INPP4B: variants seen among roughly 807,000 people sequenced by gnomAD.
The protein encoded by INPP4B is inositol polyphosphate 4-phosphatase type II.
A neutral mutation model predicts 122.5 loss-of-function variants in INPP4B; 55 were observed. That is an observed-to-expected ratio of 0.45 (90% CI 0.36 to 0.56). INPP4B has a LOEUF of 0.56. INPP4B is among the 20% of genes least tolerant of loss of function. INPP4B has a pLI of 0.00. For synonymous variants in INPP4B, 403 were observed against 388.7 expected (o/e 1.04, Z -0.43); for missense variants, 1,000 against 1,097.7 (o/e 0.91, Z 1.26).
intron 1 of INPP4B, among the ~76,000 whole-genome samples, chr4:142,818,340 T>C (rs1780377788): frequency 6.6e-6 from 1 of 152,214 alleles, no homozygotes; most frequent in Non-Finnish European, 1.5e-5. Context: ...CAGCTTTTTA[T>C]GCCATTACTG....
intron 1 of INPP4B, among the ~76,000 whole-genome samples, chr4:142,733,231 CCCTTTGGGG>C (rs1261070759): frequency 6.6e-6 from 1 of 152,102 alleles, no homozygotes; most frequent in African/African-American, 2.4e-5. Flanking sequence ...AAATATCTTT[CCCTTTGGGG>C]CAGATCGTGA....
intron 11 of INPP4B, among the ~76,000 whole-genome samples, chr4:142,240,071 CTT>C (rs397878976): frequency 2.7e-4 from 36 of 132,408 alleles, no homozygotes; most frequent in Admixed American, 4.6e-4. Context: ...TTATTGTTTT[CTT>C]TTTTTTTTTT....
intron 1 of INPP4B, among the ~76,000 whole-genome samples, chr4:142,753,450 A>C (rs1770027882): frequency 6.6e-6 from 1 of 152,058 alleles, no homozygotes; most frequent in Non-Finnish European, 1.5e-5. Context: ...TGATGTACTG[A>C]TTGTCATTTC....
chr4:142,181,779 G>A lies in INPP4B; in HGVS notation c.1182-7970C>T, dbSNP rs1830880688. ...GTGTTCCTTAAGTGTATTTGAGAGG[G>A]CTGCAGATAGAAAACTGATAAGGCT... On this transcript the variant is annotated intron_variant, in intron 15 of 25. Coordinates refer to ENST00000262992, the MANE Select transcript of INPP4B (RefSeq NM_001101669.3). Among the ~76,000 whole-genome samples, 6 of 152,038 alleles carry A rather than the reference G, an allele frequency of 3.9e-5. No homozygotes were observed. In the South Asian group the frequency reaches 1.2e-3, roughly 32 times the overall value.
chr4:142,117,501 C>T (rs1794218348), intron 21 of INPP4B, among the ~76,000 whole-genome samples: 2 of 152,086 alleles, frequency 1.3e-5, no homozygotes, highest in African/African-American at 4.8e-5. Flanking sequence ...TGTAAGGCTG[C>T]TTCAACCTAT....
chr4:142,337,733 TA>T (rs1386223081), intron 7 of INPP4B, among the ~76,000 whole-genome samples: 3 of 41,356 alleles, frequency 7.3e-5, no homozygotes, highest in Admixed American at 5.6e-4. Flanking sequence ...ATTTTATATA[TA>T]TTTATATATA....
rs193134040 is a variant in INPP4B, at chr4:142,626,885, G to C, written c.-191+98954C>G. On this transcript the variant is annotated intron_variant, in intron 2 of 25. Coordinates refer to ENST00000262992, the MANE Select transcript of INPP4B (RefSeq NM_001101669.3). ...TGTAAGGTATTTCTTCCATTCTCTG[G>C]TATATATCACTATCCAAAAACACCC... 7.1e-4 allele frequency among the ~76,000 whole-genome samples: 108 copies of C among 151,996 alleles called. 1 individual carries two copies. In the East Asian group the frequency reaches 0.011, roughly 15 times the overall value.
At chr4:142,565,064 C>T (rs1425162677) in intron 2 of INPP4B, among the ~76,000 whole-genome samples, 1 of 151,660 alleles carries the variant, frequency 6.6e-6, no homozygotes, top group Non-Finnish European at 1.5e-5. Context: ...TGAAACAGTT[C>T]CTCAGTCTTT....
chr4:142,806,538 T>C (rs2151105564), intron 1 of INPP4B, among the ~76,000 whole-genome samples: 2 of 151,068 alleles, frequency 1.3e-5, no homozygotes, highest in Middle Eastern at 3.4e-3. Context: ...ATCCAGGAGT[T>C]CAAGAGCAGC....
At chr4:142,177,644 A>G (rs1198465838) in intron 15 of INPP4B, among the ~76,000 whole-genome samples, 1 of 152,070 alleles carries the variant, frequency 6.6e-6, no homozygotes, top group African/African-American at 2.4e-5. Flanking sequence ...ACTTTAATAT[A>G]TTCATTTAAA....
intron 4 of INPP4B, among the ~76,000 whole-genome samples, chr4:142,430,912 T>C (rs62328324): frequency 0.39 from 58,579 of 151,932 alleles, 11,726 homozygotes; most frequent in East Asian, 0.61. Context: ...ATATTCAAGA[T>C]ATTTAATCTT....
chr4:142,812,739 A>G, intron 1 of INPP4B, among the ~76,000 whole-genome samples: 2 of 152,284 alleles, frequency 1.3e-5, no homozygotes, highest in Admixed American at 1.3e-4. Flanking sequence ...TTAGTGAAAT[A>G]TTTTTGAGCA....
chr4:142,174,400 T>A (rs544631348), intron 15 of INPP4B, among the ~76,000 whole-genome samples: 5 of 152,066 alleles, frequency 3.3e-5, no homozygotes, highest in Non-Finnish European at 7.4e-5. Context: ...TTTCCCCCCA[T>A]GTTACTAGGT....
intron 1 of INPP4B, among the ~76,000 whole-genome samples, chr4:142,834,758 A>C (rs1782578988): frequency 6.6e-6 from 1 of 152,092 alleles, no homozygotes; most frequent in Non-Finnish European, 1.5e-5. Flanking sequence ...TCTCACATGC[A>C]CTCTTTATCA....
At chr4:142,255,767 T>A (rs377010719) in intron 11 of INPP4B, among the ~76,000 whole-genome samples, 15 of 151,952 alleles carry the variant, frequency 9.9e-5, no homozygotes, top group Middle Eastern at 3.4e-3. Flanking sequence ...AGACTTTAAC[T>A]CCCCACTGTC....
At chr4:142,642,219 C>T (rs1280204850) in intron 2 of INPP4B, among the ~76,000 whole-genome samples, 1 of 152,088 alleles carries the variant, frequency 6.6e-6, no homozygotes, top group Non-Finnish European at 1.5e-5. Context: ...CTGTAGGTTG[C>T]CTGTTCACTC....
intron 2 of INPP4B, among the ~76,000 whole-genome samples, chr4:142,569,399 T>C (rs202022648): frequency 1.3e-5 from 2 of 152,104 alleles, no homozygotes; most frequent in African/African-American, 2.4e-5. Context: ...CAGCCAACCA[T>C]GTAGTGCTAA....
rs894269076 is a variant in INPP4B, at chr4:142,431,355, A to G, written c.-96T>C. 178 of 817,026 alleles carry G rather than the reference A, an allele frequency of 2.2e-4. No homozygotes were observed. The African/African-American group carries it at 2.5e-3, about 12-fold the overall frequency. 50.6% of individuals were successfully genotyped at this position (817,026 alleles called of 1,614,324 possible). A position where few individuals can be genotyped will look rare whatever the true frequency, so the allele number is the denominator to read the frequency against. ...TAATGTAGATGTATCTTCACACTAAAGATCTGATATCCCACTCTGAAATTC... is the reference window on the plus strand; with the variant it reads ...TAATGTAGATGTATCTTCACACTAAGGATCTGATATCCCACTCTGAAATTC... On this transcript the variant is annotated 5_prime_UTR_variant, in exon 4 of 26. Coordinates refer to ENST00000262992, the MANE Select transcript of INPP4B (RefSeq NM_001101669.3).
At chr4:142,700,294 C>T (rs1294524164) in intron 2 of INPP4B, among the ~76,000 whole-genome samples, 1 of 152,144 alleles carries the variant, frequency 6.6e-6, no homozygotes, top group African/African-American at 2.4e-5. Flanking sequence ...TTATTATTTA[C>T]AATGAAGGCA....
Sources: gnomAD v4.1 joint callset for allele counts (sites outside exome capture counted in the v4.1 genomes callset) on GRCh38, gnomAD v4.1.1 for gene constraint, MANE v1.5 for transcripts, NCBI Gene and HGNC (gene_info 2026-07-23, HGNC 2026-07-21) for gene names.